Variants in APC observed in about 807,000 individuals in gnomAD.
APC encodes adenomatous polyposis coli protein.
A neutral mutation model predicts 247.0 loss-of-function variants in APC; 72 were observed. That is an observed-to-expected ratio of 0.29 (90% CI 0.24 to 0.35). The LOEUF (loss-of-function observed/expected upper bound fraction) is 0.35, where lower values mean the gene tolerates loss of function less well. APC is among the 10% of genes least tolerant of loss of function. APC has a pLI of 1.00. For missense variants in APC, 3,400 were observed against 3,360.7 expected (o/e 1.01, Z -0.29); for synonymous variants, 1,254 against 1,162.5 (o/e 1.08, Z -1.60).
chr5:112,754,781 T>C, intron 1 of APC, 92 bp from the exon 2 acceptor site: 1 of 1,213,004 alleles, frequency 8.2e-7, no homozygotes, highest in Non-Finnish European at 1.2e-6. Context: ...TTAAACGTCT[T>C]AAGAGTTTTG....
rs141274462 is a variant in APC at position 112,744,697 on chromosome 5, T to C, written c.-19+6772T>C. ...AAAGGGGAGGAGGTATAAACAAAAA[T>C]ATAAAGGTAAGAAATAGTTTGTAGA... On this transcript the variant is annotated intron_variant, in intron 1 of 15. Coordinates refer to ENST00000257430, the MANE Select transcript of APC (RefSeq NM_000038.6). Among the ~76,000 whole-genome samples the C allele has an allele frequency of 3.3e-5, 5 of 152,194 alleles. No homozygotes were observed. The East Asian group carries it at 9.6e-4, about 29-fold the overall frequency.
At chr5:112,785,971 T>A (rs1380280390) in intron 6 of APC, among the ~76,000 whole-genome samples, 1 of 152,216 alleles carries the variant, frequency 6.6e-6, no homozygotes, top group Admixed American at 6.6e-5. Flanking sequence ...ACATTTTAAA[T>A]CATTCATTGC....
At chr5:112,798,223 C>G (rs1296528431) in intron 7 of APC, among the ~76,000 whole-genome samples, 2 of 152,176 alleles carry the variant, frequency 1.3e-5, no homozygotes, top group African/African-American at 4.8e-5. Context: ...TGTTATATCC[C>G]TTCAGTGGAA....
rs752810134 is a variant in APC, at chr5:112,792,510, C to T, written c.710C>T (p.Ser237Phe). ...CTTCGTATACGACAGCTTTTACAGT[C>T]CCAAGCAACAGAAGCAGAGGTTAGT... ...DILRIRQLLQ[S>F]QATEAERSSQ... The change falls in exon 7 of 16, where the codon TCC (serine) becomes TTC (phenylalanine). Residue 237 changes from serine to phenylalanine, a missense_variant. Ser to Phe is a radical substitution (Grantham distance 155). This residue lies in a region of APC where 372 missense variants were observed against 367.6 expected (regional missense o/e 1.01). Coordinates refer to ENST00000257430, the MANE Select transcript of APC (RefSeq NM_000038.6). The T allele has an allele frequency of 1.9e-6, 3 of 1,612,560 alleles. No individual in the cohort carries two copies. Among genetic ancestry groups the T allele is most frequent in the Non-Finnish European group, 2.5e-6 (3 of 1,179,106 alleles).
chr5:112,794,101 TGTAA>T (rs1759942204), intron 7 of APC, among the ~76,000 whole-genome samples: 1 of 151,144 alleles, frequency 6.6e-6, no homozygotes, highest in Admixed American at 6.6e-5. Flanking sequence ...AATCCTGCCA[TGTAA>T]GTAAGTCTCT....
intron 2 of APC, among the ~76,000 whole-genome samples, chr5:112,758,547 G>C (rs1042032902): frequency 6.6e-6 from 1 of 151,606 alleles, no homozygotes; most frequent in Non-Finnish European, 1.5e-5. Context: ...GGCTGGTCTC[G>C]AACTCCTGAC....
At chr5:112,805,526 A>G (rs1258162720) in intron 8 of APC, among the ~76,000 whole-genome samples, 2 of 152,164 alleles carry the variant, frequency 1.3e-5, no homozygotes, top group African/African-American at 4.8e-5. Flanking sequence ...TGCTGCTAAT[A>G]CTATCTGGTT....
At chr5:112,731,440 G>C (rs150865060) in intron 1 of APC, among the ~76,000 whole-genome samples, 1,744 of 152,294 alleles carry the variant, frequency 0.011, 34 homozygotes, top group African/African-American at 0.04. Context: ...AGGAAGGACA[G>C]GAGACGGCCA....
chr5:112,803,124 A>C (rs548519617), intron 8 of APC, among the ~76,000 whole-genome samples: 1 of 152,282 alleles, frequency 6.6e-6, no homozygotes, highest in South Asian at 2.1e-4. Flanking sequence ...AAAAATCAAT[A>C]ACACTCAGTA....
At chr5:112,804,287 TA>T (rs1201385278) in intron 8 of APC, among the ~76,000 whole-genome samples, 2 of 152,062 alleles carry the variant, frequency 1.3e-5, no homozygotes, top group Non-Finnish European at 2.9e-5. Context: ...TAAAGTCCTT[TA>T]AGCCACACCT....
intron 1 of APC, among the ~76,000 whole-genome samples, chr5:112,717,914 T>TC (rs1315525247): frequency 8.2e-6 from 1 of 121,620 alleles, no homozygotes; most frequent in African/African-American, 3.0e-5. Context: ...TTTTCTTTTT[T>TC]TTTTTTTTTT....
chr5:112,759,963 A>G (rs1053689317), intron 2 of APC, among the ~76,000 whole-genome samples: 1 of 152,204 alleles, frequency 6.6e-6, no homozygotes, highest in Admixed American at 6.5e-5. Context: ...CAAAAACTAG[A>G]AAACACTGGA....
intron 1 of APC, among the ~76,000 whole-genome samples, chr5:112,710,427 G>T (rs1456702954): frequency 1.3e-5 from 2 of 152,016 alleles, no homozygotes; most frequent in Non-Finnish European, 2.9e-5. Context: ...AGGAAGAAAT[G>T]ACCTTCTTTC....
intron 1 of APC, among the ~76,000 whole-genome samples, chr5:112,723,683 T>C (rs145787253): frequency 8.5e-4 from 130 of 152,282 alleles, no homozygotes; most frequent in African/African-American, 3.0e-3. Flanking sequence ...AACCATTTAA[T>C]TTATATGCTG....
In APC at chr5:112,837,900, T is replaced by C. The variant is rs1554084067; in HGVS notation, c.2306T>C (p.Leu769Ser). 6.2e-7 allele frequency: 1 copy of C among 1,614,128 alleles called. No individual in the cohort carries two copies. The highest frequency in any genetic ancestry group is 8.5e-7 in the Non-Finnish European group (1 of 1,180,032). The stretch of plus-strand genomic sequence containing the variant: ...GAAGCAGAATTAGATGCTCAGCACT[T>C]ATCAGAAACTTTTGACAATATAGAC... ...ALEAELDAQH[L>S]SETFDNIDNL... The change falls in exon 16 of 16, where the codon TTA becomes TCA. Residue 769 changes from leucine (L) to serine (S), a missense_variant. By Grantham distance (145) the Leu-to-Ser change is moderately radical. This residue lies in a region of APC where 91 missense variants were observed against 103.3 expected (regional missense o/e 0.88). Transcript: ENST00000257430.
rs1561598415 is a variant in APC, at chr5:112,840,806, C to T, written c.5212C>T (p.His1738Tyr). ...TTCTGCTATGCCCAAAGGGAAAAGT[C>T]ACAAGCCTTTCCGTGTGAAAAAGAT... ...INSAMPKGKSHKPFRVKKIMD... is the reference protein window; with the variant it reads ...INSAMPKGKSYKPFRVKKIMD... The change falls in exon 16 of 16, where the codon CAC becomes TAC. Residue 1738 changes from histidine (H) to tyrosine (Y), a missense_variant. This residue lies in a region of APC where 1,788 missense variants were observed against 1,649.5 expected (regional missense o/e 1.08). Coordinates refer to ENST00000257430, the MANE Select transcript of APC (RefSeq NM_000038.6). The surrounding 1 kb of genome is among the most constrained non-coding windows in gnomAD (Gnocchi z 4.1). 6.2e-7 allele frequency: 1 copy of T among 1,614,086 alleles called. No homozygotes were observed.
rs1374284987 is a variant in APC, at chr5:112,738,576, C to T, written c.-19+651C>T. The T allele has an allele frequency of 3.7e-6, 3 of 821,714 alleles. No individual in the cohort carries two copies. In the African/African-American group the frequency reaches 5.5e-5, roughly 15 times the overall value. 50.9% of individuals were successfully genotyped at this position (821,714 alleles called of 1,614,324 possible). On this transcript the variant is annotated intron_variant, in intron 1 of 15. Coordinates refer to ENST00000257430, the MANE Select transcript of APC (RefSeq NM_000038.6). ...TGTGAACAGGGTGGCAAACAGATAC[C>T]AGTGTCTTTGTTAGTTACAAAATGC...
At chr5:112,801,795 G>T (rs1187293635) in intron 8 of APC, among the ~76,000 whole-genome samples, 3 of 151,562 alleles carry the variant, frequency 2.0e-5, no homozygotes, top group Non-Finnish European at 4.4e-5. Context: ...ATTTCCTGTT[G>T]TACTTAAAGA....
intron 6 of APC, among the ~76,000 whole-genome samples, chr5:112,783,202 T>G (rs1758543021): frequency 6.6e-6 from 1 of 152,188 alleles, no homozygotes; most frequent in Non-Finnish European, 1.5e-5. Flanking sequence ...TTTATATCCC[T>G]GAGGAGAGGT....
Sources: allele counts gnomAD v4.1 joint callset (sites outside exome capture counted in the v4.1 genomes callset), GRCh38; gene constraint gnomAD v4.1.1; regional missense constraint gnomAD v4.1.1; non-coding constraint Gnocchi (gnomAD v3.1); transcripts MANE v1.5; gene names NCBI Gene and HGNC (gene_info 2026-07-23, HGNC 2026-07-21).